CRISPLD2: variants seen among roughly 807,000 people sequenced by gnomAD.
CRISPLD2 encodes the protein cysteine-rich secretory protein LCCL domain-containing 2.
CRISPLD2 carries 47 observed loss-of-function variants against 71.1 expected under a neutral mutation model. The observed-to-expected ratio is 0.66, with a 90% confidence interval of 0.52 to 0.84. CRISPLD2 has a LOEUF of 0.84. Among genes scored for constraint, CRISPLD2 ranks in the 40% least tolerant of loss-of-function variants. CRISPLD2 has a pLI of 0.00. For synonymous variants in CRISPLD2, 317 were observed against 250.1 expected, an observed-to-expected ratio of 1.27 and a Z score of -2.52; for missense variants, 830 against 651.1, an observed-to-expected ratio of 1.27 and a Z score of -2.99.
intron 1 of CRISPLD2, among the ~76,000 whole-genome samples, chr16:84,823,514 G>A (rs1163854349): frequency 2.0e-5 from 3 of 152,216 alleles, no homozygotes; most frequent in Non-Finnish European, 4.4e-5. Context: ...CTCCATGGGT[G>A]CAGGGAAGCC....
intron 1 of CRISPLD2, among the ~76,000 whole-genome samples, chr16:84,830,572 A>G (rs1195988488): frequency 6.6e-6 from 1 of 152,078 alleles, no homozygotes; most frequent in Admixed American, 6.6e-5. Flanking sequence ...GCGTGGTGGC[A>G]TGCACCTCTA....
intron 11 of CRISPLD2, 119 bp from the exon 12 acceptor site, chr16:84,877,319 T>C (rs2071527923): frequency 1.2e-6 from 1 of 840,822 alleles, no homozygotes; most frequent in Non-Finnish European, 1.9e-6. Flanking sequence ...GTCCCAGCTC[T>C]ATTCAAGGGC....
At chr16:84,889,752 TTGTGTGTGTGTGTGTGTGTG>T (rs60555979) in intron 14 of CRISPLD2, among the ~76,000 whole-genome samples, 7 of 139,318 alleles carry the variant, frequency 5.0e-5, no homozygotes, top group Admixed American at 1.5e-4. Flanking sequence ...TTGTTTTTCT[TTGTGTGTGTGTGTGTGTGTG>T]TGTGTGTGTG....
intron 1 of CRISPLD2, among the ~76,000 whole-genome samples, chr16:84,824,389 C>T (rs1916300984): frequency 6.6e-6 from 1 of 152,198 alleles, no homozygotes; most frequent in African/African-American, 2.4e-5. Context: ...ACTGTGTCCT[C>T]CAAAGTGTGC....
rs1197017048 is a variant in CRISPLD2 at position 84,893,543 on chromosome 16, A to G, written c.1439+4180A>G. On this transcript the variant is annotated intron_variant, in intron 14 of 14. Transcript: ENST00000262424. ...CACCCAGGATCCCACAGGGAGCACA[A>G]CAGCAGACCTCTGCCGTCATGGGAT... 3.3e-5 allele frequency among the ~76,000 whole-genome samples: 5 copies of G among 152,214 alleles called. No individual in the cohort carries two copies. In the South Asian group the frequency reaches 1.0e-3, roughly 31 times the overall value.
rs141415098 is a variant in CRISPLD2, at chr16:84,859,980, A to C, written c.709+5151A>C. ...ATGCAGGTGCTGCCTTTACAAATCTATTTCACAAAGCATTAGTCAAGGGTA... is the reference window on the plus strand; with the variant it reads ...ATGCAGGTGCTGCCTTTACAAATCTCTTTCACAAAGCATTAGTCAAGGGTA... On this transcript the variant is annotated intron_variant, in intron 6 of 14. Transcript: ENST00000262424. 8.9e-4 allele frequency among the ~76,000 whole-genome samples: 135 copies of C among 152,346 alleles called. 6 individuals are homozygous for C. Among genetic ancestry groups the C allele is most frequent in the Non-Finnish European group, 7.3e-5 (5 of 68,042 alleles).
At position 84,906,612 on chromosome 16, in the gene CRISPLD2, G is replaced by A. The variant is rs575837200; in HGVS notation, c.1464G>A (p.Lys488=). The A allele has an allele frequency of 3.5e-5, 56 of 1,613,614 alleles. 4 individuals carry two copies. In the South Asian group the frequency reaches 5.5e-4, roughly 16 times the overall value. The change falls in exon 15 of 15, where the codon AAG becomes AAA. Residue 488 remains lysine, a synonymous_variant. Transcript: ENST00000262424. ...GCCTGGGGACTCCTCGGGATGGAAA[G>A]GCCTTCCGGATCTTTGCTGTCAGGC... ...SESLGTPRDG[K]AFRIFAVRQ
intron 1 of CRISPLD2, among the ~76,000 whole-genome samples, chr16:84,824,408 T>C (rs1916301446): frequency 5.3e-5 from 8 of 152,196 alleles, no homozygotes; most frequent in Admixed American, 4.6e-4. Context: ...GCAGAGCCAA[T>C]ACCTAGGGGT....
At chr16:84,845,637 C>T in intron 2 of CRISPLD2, 149 bp from the exon 3 acceptor site, 1 of 642,244 alleles carries the variant, frequency 1.6e-6, no homozygotes, top group Middle Eastern at 3.1e-4. Flanking sequence ...TGCCACGCCC[C>T]CCTGGCTGAT....
chr16:84,839,395 C>G (rs988188153), intron 2 of CRISPLD2: 1 of 195,400 alleles, frequency 5.1e-6, no homozygotes, highest in Non-Finnish European at 1.1e-5. Flanking sequence ...ACCACCCTGA[C>G]TTCTCCTTAG....
chr16:84,838,686 A>G lies in CRISPLD2; in HGVS notation c.191A>G (p.Asn64Ser). Residue 64 changes from asparagine to serine, a missense_variant, in exon 2 of 15, where the codon AAC becomes AGC. Physicochemically the swap from Asn to Ser is conservative, Grantham distance 46. Transcript: ENST00000262424. ...EDKEEILMLHNKLRGQVQPQA... is the reference protein window; with the variant it reads ...EDKEEILMLHSKLRGQVQPQA... ...AAGGAGGAGATCCTCATGCTGCACA[A>G]CAAGCTTCGGGGCCAGGTGCAGCCT... The G allele has an allele frequency of 6.2e-7, 1 of 1,614,106 alleles. No individual in the cohort carries two copies. The highest frequency in any genetic ancestry group is 8.5e-7 in the Non-Finnish European group (1 of 1,180,020).
intron 6 of CRISPLD2, 138 bp downstream of exon 6, chr16:84,854,967 T>G: frequency 1.5e-6 from 1 of 689,640 alleles, no homozygotes; most frequent in Non-Finnish European, 2.6e-6. Context: ...AGCACATTCC[T>G]CCCGCCTCCG....
intron 7 of CRISPLD2, 28 bp downstream of exon 7, chr16:84,867,068 C>G: frequency 6.2e-7 from 1 of 1,605,138 alleles, no homozygotes; most frequent in Non-Finnish European, 8.5e-7. Flanking sequence ...TCCGCCCCTC[C>G]TGCCCTCCCA....
At chr16:84,897,805 C>G (rs1051010479) in intron 14 of CRISPLD2, among the ~76,000 whole-genome samples, 2 of 152,122 alleles carry the variant, frequency 1.3e-5, no homozygotes, top group Admixed American at 1.3e-4. Context: ...TTAGTAGAGA[C>G]GGGGTTTCGC....
Position 84,880,622 on chromosome 16 carries a change from C to T in CRISPLD2, c.1305+38C>T, listed in dbSNP as rs747162823. On this transcript the variant is annotated intron_variant, in intron 13 of 14. Coordinates refer to ENST00000262424, the MANE Select transcript of CRISPLD2 (RefSeq NM_031476.4). The stretch of plus-strand genomic sequence containing the variant: ...CATTTTCAACAACTATCTCGCAAAG[C>T]CTGTTAAAGACCTCAACATGCAAGC... 12 of 1,550,982 alleles carry T rather than the reference C, an allele frequency of 7.7e-6. No homozygotes were observed. In the South Asian group the frequency reaches 1.0e-4, roughly 13 times the overall value.
chr16:84,824,505 T>C (rs1370764717), intron 1 of CRISPLD2, among the ~76,000 whole-genome samples: 1 of 152,096 alleles, frequency 6.6e-6, no homozygotes, highest in Non-Finnish European at 1.5e-5. Context: ...TTCTTTCCAT[T>C]CTCTGTTCTT....
At chr16:84,901,266 G>A (rs2071751598) in intron 14 of CRISPLD2, among the ~76,000 whole-genome samples, 1 of 152,078 alleles carries the variant, frequency 6.6e-6, no homozygotes, top group Non-Finnish European at 1.5e-5. Context: ...GAAAAAATGG[G>A]TGAGGGAAAA....
intron 6 of CRISPLD2, among the ~76,000 whole-genome samples, chr16:84,857,752 C>T (rs369912636): frequency 3.9e-5 from 6 of 152,184 alleles, no homozygotes; most frequent in African/African-American, 1.4e-4. Flanking sequence ...GGGAACTCCC[C>T]ATGAGGCCAT....
At position 84,907,840 on chromosome 16, in the gene CRISPLD2, G is replaced by T. The variant is rs527793333; in HGVS notation, c.*1198G>T. The T allele has an allele frequency of 3.3e-5, 5 of 152,242 alleles. No homozygotes were observed. The East Asian group carries it at 9.7e-4, about 29-fold the overall frequency. The allele number at this position is 152,242 out of a possible 1,614,324, so 9.4% of individuals were successfully genotyped here. On this transcript the variant is annotated 3_prime_UTR_variant, in exon 15 of 15. Coordinates refer to ENST00000262424, the MANE Select transcript of CRISPLD2 (RefSeq NM_031476.4). ...TTTCGTGAAACGACTCTTGCCAAAC[G>T]TTCCCGAGGCGCCAAGGAGTGTAGT...
Sources: gnomAD v4.1 joint callset for allele counts (sites outside exome capture counted in the v4.1 genomes callset) on GRCh38, gnomAD v4.1.1 for gene constraint, MANE v1.5 for transcripts, NCBI Gene and HGNC (gene_info 2026-07-23, HGNC 2026-07-21) for gene names.